Variants in MYBPHL observed in about 807,000 individuals in gnomAD.
MYBPHL encodes the protein myosin binding protein H like.
MYBPHL carries 32 observed loss-of-function variants against 39.5 expected under a neutral mutation model. The observed-to-expected ratio is 0.81, with a 90% CI of 0.61 to 1.09. The LOEUF (loss-of-function observed/expected upper bound fraction) is 1.09. Ranked by LOEUF, MYBPHL falls within the 50% of genes least tolerant of loss-of-function variation. The probability of loss-of-function intolerance (pLI) is 0.00; values close to 1 mark genes in which losing one functional copy is unlikely to be tolerated. For synonymous variants in MYBPHL, 196 were observed against 183.7 expected (o/e 1.07, Z -0.54); for missense variants, 456 against 460.2 (o/e 0.99, Z 0.08).
At position 109,295,090 on chromosome 1, in the gene MYBPHL, T is replaced by C. The variant is rs188755512; in HGVS notation, c.1054+21A>G. 10 of 1,610,188 alleles carry C rather than the reference T, an allele frequency of 6.2e-6. No individual in the cohort carries two copies. In the East Asian group the frequency reaches 2.0e-4, roughly 32 times the overall value. On this transcript the variant is annotated intron_variant, in intron 7 of 8. Coordinates refer to ENST00000357155, the MANE Select transcript of MYBPHL (RefSeq NM_001010985.3). ...GGAGGTGACTGGCACCCTAAGGCAC[T>C]AGTTCTCCTCTTGCCCTTACCTTTC... is the stretch of plus-strand genomic sequence containing the variant.
At chr1:109,292,658 G>A (rs1657909094) in intron 8 of MYBPHL, 70 bp from the exon 9 acceptor site, 1 of 152,236 alleles carries the variant, frequency 6.6e-6, no homozygotes, top group Non-Finnish European at 1.5e-5. Context: ...AGGTGAGGGA[G>A]GGAGAGTTGT....
chr1:109,302,803 C>CA (rs1313981927), intron 1 of MYBPHL, among the ~76,000 whole-genome samples: 3 of 151,792 alleles, frequency 2.0e-5, no homozygotes, highest in Non-Finnish European at 2.9e-5. Flanking sequence ...GCTAACTGGC[C>CA]AAAAAAAATG....
intron 8 of MYBPHL, 163 bp from the exon 9 acceptor site, chr1:109,292,751 A>G (rs1045284071): frequency 3.3e-5 from 5 of 152,214 alleles, no homozygotes; most frequent in Non-Finnish European, 5.9e-5. Context: ...TTTGCTACAT[A>G]CCAGTGAGAG....
At chr1:109,297,735 C>A in intron 2 of MYBPHL, 118 bp from the exon 3 acceptor site, 1 of 915,164 alleles carries the variant, frequency 1.1e-6, no homozygotes, top group Non-Finnish European at 1.6e-6. Flanking sequence ...GCTGCACATT[C>A]CTTGAGTTAG....
intron 1 of MYBPHL, among the ~76,000 whole-genome samples, chr1:109,305,255 GAGCTAAGATTTGA>G (rs1334893888): frequency 6.6e-6 from 1 of 152,238 alleles, no homozygotes; most frequent in East Asian, 1.9e-4. Flanking sequence ...CCACAGAACA[GAGCTAAGATTTGA>G]ACTCATGACT....
chr1:109,298,352 G>A (rs887071391), intron 1 of MYBPHL, 95 bp from the exon 2 acceptor site: 25 of 1,097,076 alleles, frequency 2.3e-5, no homozygotes, highest in East Asian at 1.6e-4. Flanking sequence ...CCCAGGAATC[G>A]GTCACCAAAT....
At chr1:109,295,058 GGA>G in intron 7 of MYBPHL, 51 bp downstream of exon 7, 2 of 1,583,154 alleles carry the variant, frequency 1.3e-6, no homozygotes, top group South Asian at 1.1e-5. Context: ...TTCCACCGGT[GGA>G]GAGAGGAGGT....
intron 7 of MYBPHL, among the ~76,000 whole-genome samples, chr1:109,294,768 A>G (rs2101466825): frequency 6.6e-6 from 1 of 152,316 alleles, no homozygotes; most frequent in East Asian, 1.9e-4. Context: ...AAATGAGCTG[A>G]GCGAGGACCC....
At chr1:109,294,320 A>G (rs1657977335) in intron 7 of MYBPHL, 71 bp from the exon 8 acceptor site, 2 of 1,429,000 alleles carry the variant, frequency 1.4e-6, no homozygotes, top group Non-Finnish European at 2.0e-6. Context: ...TCAGAGCATT[A>G]GAAAGGAATA....
rs954567056 is a variant in MYBPHL at position 109,297,585 on chromosome 1, A to G, written c.267T>C (p.His89=). The part of the protein sequence containing the change: ...GKPKPQAIWT[H]DGCALDTRRV... Reference sequence around the variant, plus strand: ...GCCTGGTGTCCAAGGCACAGCCATCATGTGTCCAGATGGCTTGAGGTTTGG... The same window carrying G: ...GCCTGGTGTCCAAGGCACAGCCATCGTGTGTCCAGATGGCTTGAGGTTTGG... The change falls in exon 3 of 9, where the codon CAT becomes CAC. Residue 89 remains histidine, a synonymous_variant. Coordinates refer to ENST00000357155, the MANE Select transcript of MYBPHL (RefSeq NM_001010985.3). 5 of 1,613,546 alleles carry G rather than the reference A, an allele frequency of 3.1e-6. No homozygotes were observed. Among genetic ancestry groups the G allele is most frequent in the African/African-American group, 2.7e-5 (2 of 74,876 alleles).
chr1:109,295,161 G>T lies in MYBPHL; in HGVS notation c.1004C>A (p.Ala335Glu), dbSNP rs139001634. 1 of 1,614,024 alleles carries T rather than the reference G, an allele frequency of 6.2e-7. No homozygotes were observed. The highest frequency in any genetic ancestry group is 1.1e-5 in the South Asian group (1 of 91,080). Residue 335 changes from alanine (A) to glutamate (E), a missense_variant, in exon 7 of 9, where the codon GCG becomes GAG. Physicochemically the swap from Ala to Glu is moderately radical, Grantham distance 107. Transcript: ENST00000357155. Reference protein sequence around the residue: ...PFDGGIYTCKAVNPLGEASVD... With the variant: ...PFDGGIYTCKEVNPLGEASVD... ...AGATGCCTCCCCTAGGGGGTTCACC[G>T]CCTTGCAGGTATAGATGCCTCCATC... is the stretch of plus-strand genomic sequence containing the variant.
At chr1:109,298,765 C>A (rs577227000) in intron 1 of MYBPHL, among the ~76,000 whole-genome samples, 49 of 152,248 alleles carry the variant, frequency 3.2e-4, no homozygotes, top group African/African-American at 1.1e-3. Flanking sequence ...CTCCCAGCCG[C>A]CCACGGAGAC....
intron 3 of MYBPHL, 97 bp downstream of exon 3, chr1:109,297,325 C>A: frequency 3.9e-6 from 6 of 1,556,932 alleles, no homozygotes; most frequent in Non-Finnish European, 5.2e-6. Context: ...GACGTGGGAG[C>A]CTTGCCGCAG....
intron 1 of MYBPHL, among the ~76,000 whole-genome samples, chr1:109,302,091 G>A (rs1033156230): frequency 1.3e-5 from 2 of 151,824 alleles, no homozygotes; most frequent in African/African-American, 2.4e-5. Context: ...GTTTGTGTAC[G>A]TGCATGAATG....
chr1:109,305,783 G>C (rs552051749), intron 1 of MYBPHL, among the ~76,000 whole-genome samples: 1 of 152,366 alleles, frequency 6.6e-6, no homozygotes, highest in South Asian at 2.1e-4. Context: ...GAGGCAGACA[G>C]AGTCTGCTGC....
chr1:109,296,302 G>C lies in MYBPHL; in HGVS notation c.799C>G (p.Leu267Val), dbSNP rs1383120656. The C allele has an allele frequency of 6.2e-7, 1 of 1,614,052 alleles. No homozygotes were observed. The highest frequency in any genetic ancestry group is 8.5e-7 in the Non-Finnish European group (1 of 1,180,024). The change falls in exon 6 of 9, where the codon CTG (leucine) becomes GTG (valine). Residue 267 changes from leucine (L) to valine (V), a missense_variant. Physicochemically the swap from Leu to Val is conservative, Grantham distance 32. Transcript: ENST00000357155. Reference protein sequence around the residue: ...FSEAPKFTQPLADCTTVTGYN... With the variant: ...FSEAPKFTQPVADCTTVTGYN... ...CCGGTGACTGTAGTGCAGTCGGCCA[G>C]AGGCTGGGTAAACTTTGGGGCTTCA...
intron 7 of MYBPHL, 33 bp downstream of exon 7, chr1:109,295,078 A>T: frequency 6.2e-7 from 1 of 1,601,660 alleles, no homozygotes; most frequent in Non-Finnish European, 8.5e-7. Flanking sequence ...GGTGACTGGC[A>T]CCCTAAGGCA....
intron 1 of MYBPHL, 120 bp from the exon 2 acceptor site, chr1:109,298,377 A>C (rs1658164299): frequency 1.2e-6 from 1 of 818,596 alleles, no homozygotes. Flanking sequence ...CCCTTCTTAG[A>C]GGGGAGGGGA....
rs749481449 is a variant in MYBPHL at position 109,296,287 on chromosome 1, T to C, written c.814A>G (p.Thr272Ala). The C allele has an allele frequency of 1.2e-6, 2 of 1,613,786 alleles. No individual in the cohort carries two copies. Among genetic ancestry groups the C allele is most frequent in the African/African-American group, 2.7e-5 (2 of 74,798 alleles). ...KFTQPLADCT[T>A]VTGYNTQLFC... is the part of the protein sequence containing the mutation. ...AGCTGGGTATTATAGCCGGTGACTGTAGTGCAGTCGGCCAGAGGCTGGGTA... is the reference window on the plus strand; with the variant it reads ...AGCTGGGTATTATAGCCGGTGACTGCAGTGCAGTCGGCCAGAGGCTGGGTA... Residue 272 changes from threonine to alanine, a missense_variant, in exon 6 of 9, where the codon ACA becomes GCA. Coordinates refer to ENST00000357155, the MANE Select transcript of MYBPHL (RefSeq NM_001010985.3).
Sources: allele counts gnomAD v4.1 joint callset (sites outside exome capture counted in the v4.1 genomes callset), GRCh38; gene constraint gnomAD v4.1.1; transcripts MANE v1.5; gene names NCBI Gene and HGNC (gene_info 2026-07-23, HGNC 2026-07-21).